GLIS3: variants seen among roughly 807,000 people sequenced by gnomAD.
GLIS3 encodes zinc finger protein GLIS3.
In GLIS3, 53 loss-of-function variants were observed where a neutral mutation model predicts 78.6. The observed-to-expected ratio is 0.67, with a 90% confidence interval of 0.54 to 0.85. The LOEUF (loss-of-function observed/expected upper bound fraction) is 0.85. GLIS3 is among the 40% of genes least tolerant of loss of function. The pLI, the probability that GLIS3 is intolerant of heterozygous loss-of-function variation, is 0.00. For synonymous variants in GLIS3, 684 were observed against 509.9 expected, an observed-to-expected ratio of 1.34 and a Z score of -4.60; for missense variants, 1,703 against 1,231.1, an observed-to-expected ratio of 1.38 and a Z score of -5.74.
the GLIS3 span, among the ~76,000 whole-genome samples, chr9:4,374,993 CA>C: frequency 0.27 from 40,397 of 152,118 alleles, 5,623 homozygotes; most frequent in South Asian, 0.4. Flanking sequence ...ATGATTATTT[CA>C]ACCCCCCTAC....
At chr9:4,378,974 G>C in the GLIS3 span, among the ~76,000 whole-genome samples, 1 of 152,190 alleles carries the variant, frequency 6.6e-6, no homozygotes, top group Admixed American at 6.5e-5. Flanking sequence ...TTAAATGAAG[G>C]CTGACAGGTG....
At chr9:4,153,881 G>A (rs1185434289) in intron 2 of GLIS3, among the ~76,000 whole-genome samples, 1 of 152,152 alleles carries the variant, frequency 6.6e-6, no homozygotes, top group Non-Finnish European at 1.5e-5. Context: ...GGTTCTAGGG[G>A]TTGACTGGGC....
the GLIS3 span, among the ~76,000 whole-genome samples, chr9:4,481,695 A>T: frequency 6.6e-6 from 1 of 152,096 alleles, no homozygotes. Flanking sequence ...TAGACAGTTA[A>T]GTTGTTTCCA....
At chr9:4,242,041 G>C (rs903532240) in intron 2 of GLIS3, among the ~76,000 whole-genome samples, 1 of 152,082 alleles carries the variant, frequency 6.6e-6, no homozygotes, top group Non-Finnish European at 1.5e-5. Flanking sequence ...TTACATGTTA[G>C]AATAAAATTA....
upstream of GLIS3, among the ~76,000 whole-genome samples, chr9:4,303,014 G>T (rs1375315705): frequency 6.6e-6 from 1 of 152,114 alleles, no homozygotes; most frequent in Non-Finnish European, 1.5e-5. Flanking sequence ...CAAAGCTAGA[G>T]TACAAAATAG....
chr9:4,200,772 A>G (rs994390682), intron 2 of GLIS3, among the ~76,000 whole-genome samples: 24 of 152,212 alleles, frequency 1.6e-4, no homozygotes, highest in Admixed American at 5.2e-4. Context: ...AGAAGAGCTG[A>G]TAATAATCCT....
rs185034256 is a variant in GLIS3 at position 4,059,681 on chromosome 9, T to C, written c.1710+58087A>G. Among the ~76,000 whole-genome samples the C allele has an allele frequency of 2.4e-3, 369 of 152,246 alleles. 1 individual carries two copies. The highest frequency in any genetic ancestry group is 4.0e-3 in the Non-Finnish European group (272 of 68,028). On this transcript the variant is annotated intron_variant, in intron 4 of 10. Transcript: ENST00000381971. ...ATGTGGCCATTCCAAATTAGTTAAG[T>C]TGGGCTACTTTCTTCTCACTCTGAC...
intron 4 of GLIS3, among the ~76,000 whole-genome samples, chr9:3,991,913 A>G (rs930104312): frequency 1.3e-5 from 2 of 151,892 alleles, no homozygotes; most frequent in African/African-American, 2.4e-5. Flanking sequence ...GACAGTCTTG[A>G]TCTCCTGACT....
chr9:4,412,547 T>C, the GLIS3 span, among the ~76,000 whole-genome samples: 1 of 152,188 alleles, frequency 6.6e-6, no homozygotes, highest in Non-Finnish European at 1.5e-5. Flanking sequence ...GGGACATGGA[T>C]TTCAGCTTAT....
chr9:3,870,441 A>T (rs57702069), intron 8 of GLIS3, among the ~76,000 whole-genome samples: 2 of 152,194 alleles, frequency 1.3e-5, no homozygotes, highest in Admixed American at 6.5e-5. Flanking sequence ...GTCTGTTTTC[A>T]TGCTGCTGTT....
chr9:4,313,131 G>C (rs1183809841), intron 2 of GLIS3, among the ~76,000 whole-genome samples: 1 of 152,190 alleles, frequency 6.6e-6, no homozygotes, highest in Non-Finnish European at 1.5e-5. Flanking sequence ...CTCTTTTGTT[G>C]ATTAGAGATA....
rs1227625784 is a variant in GLIS3, at chr9:3,827,877, T to A, written c.*395A>T. On this transcript the variant is annotated 3_prime_UTR_variant, in exon 11 of 11. Coordinates refer to ENST00000381971, the MANE Select transcript of GLIS3 (RefSeq NM_001042413.2). ...ATTAGGTGAGGCAGGTCACTATGCC[T>A]CTCGTAATTGAGGTCTTTTTCCCTG... is the stretch of plus-strand genomic sequence containing the variant. 3.2e-6 allele frequency: 1 copy of A among 310,838 alleles called. No individual in the cohort carries two copies. Among genetic ancestry groups the A allele is most frequent in the Non-Finnish European group, 6.3e-6 (1 of 159,672 alleles). 19.3% of individuals were successfully genotyped at this position (310,838 alleles called of 1,614,324 possible).
intron 1 of GLIS3, among the ~76,000 whole-genome samples, chr9:4,287,713 A>G (rs1563902379): frequency 1.3e-5 from 2 of 152,216 alleles, no homozygotes; most frequent in Admixed American, 1.3e-4. Context: ...TTTCAACTCA[A>G]CTTCCAAATA....
chr9:3,938,042 G>A (rs1014040222), intron 4 of GLIS3, among the ~76,000 whole-genome samples: 4 of 152,116 alleles, frequency 2.6e-5, no homozygotes, highest in African/African-American at 9.7e-5. Flanking sequence ...TATTAATAGG[G>A]TCAAAGTGAT....
chr9:4,230,712 AC>A (rs1285316495), intron 2 of GLIS3, among the ~76,000 whole-genome samples: 1 of 152,254 alleles, frequency 6.6e-6, no homozygotes, highest in Non-Finnish European at 1.5e-5. Flanking sequence ...CTGTGAAACT[AC>A]AAAAGCATCC....
chr9:4,490,109 A>G, the GLIS3 span, among the ~76,000 whole-genome samples: 1 of 152,224 alleles, frequency 6.6e-6, no homozygotes, highest in Non-Finnish European at 1.5e-5. Flanking sequence ...GCTGGTGTGG[A>G]GAACGGAGAG....
In GLIS3 at chr9:4,125,875, G is replaced by C. The variant is rs370360461; in HGVS notation, c.455C>G (p.Thr152Ser). 3.7e-6 allele frequency: 6 copies of C among 1,613,870 alleles called. No homozygotes were observed. Among genetic ancestry groups the C allele is most frequent in the Admixed American group, 1.7e-5 (1 of 59,994 alleles). ...TCGCTGAACCATCATGGGACTGCTG[G>C]TGACCACTAGATTGTTGCAGCTGCC... Reference protein sequence around the residue: ...GKGSCNNLVVTSSPMMVQRLG... With the variant: ...GKGSCNNLVVSSSPMMVQRLG... The change falls in exon 3 of 11, where the codon ACC becomes AGC. Residue 152 changes from threonine to serine, a missense_variant. Coordinates refer to ENST00000381971, the MANE Select transcript of GLIS3 (RefSeq NM_001042413.2).
the GLIS3 span, among the ~76,000 whole-genome samples, chr9:4,382,455 C>T: frequency 2.0e-5 from 3 of 152,180 alleles, no homozygotes; most frequent in African/African-American, 7.2e-5. Context: ...CACAAATCTA[C>T]AAGAATCTCC....
At chr9:4,104,120 G>C (rs1830580016) in intron 4 of GLIS3, among the ~76,000 whole-genome samples, 1 of 152,066 alleles carries the variant, frequency 6.6e-6, no homozygotes, top group African/African-American at 2.4e-5. Context: ...ATGTTACCTA[G>C]AAATAGGTGG....
Sources: allele counts gnomAD v4.1 joint callset (sites outside exome capture counted in the v4.1 genomes callset), GRCh38; gene constraint gnomAD v4.1.1; transcripts MANE v1.5; gene names NCBI Gene and HGNC (gene_info 2026-07-23, HGNC 2026-07-21).